CPQ: variants seen among roughly 807,000 people sequenced by gnomAD.
CPQ encodes carboxypeptidase Q, also known as Ser-Met dipeptidase.
In CPQ, 37 loss-of-function variants were observed where a neutral mutation model predicts 45.7. That is an observed-to-expected ratio of 0.81 (90% CI 0.62 to 1.07). CPQ has a LOEUF of 1.07. Ranked by LOEUF, CPQ falls within the 50% of genes least tolerant of loss-of-function variation. The pLI, the probability that CPQ is intolerant of heterozygous loss-of-function variation, is 0.00. For missense variants in CPQ, 537 were observed against 572.9 expected, an observed-to-expected ratio of 0.94 and a Z score of 0.64; for synonymous variants, 186 against 205.8, an observed-to-expected ratio of 0.90 and a Z score of 0.82.
At chr8:96,823,356 A>C (rs1412510755) in intron 2 of CPQ, among the ~76,000 whole-genome samples, 2 of 152,008 alleles carry the variant, frequency 1.3e-5, no homozygotes, top group African/African-American at 4.8e-5. Context: ...TCTTGTAGGC[A>C]AATAACTTTC....
intron 1 of CPQ, among the ~76,000 whole-genome samples, chr8:96,693,764 C>T (rs1031326950): frequency 1.3e-5 from 2 of 152,050 alleles, no homozygotes; most frequent in African/African-American, 2.4e-5. Flanking sequence ...AATAAGAAAT[C>T]ATCTGAAGGC....
intron 2 of CPQ, among the ~76,000 whole-genome samples, chr8:96,814,813 G>A (rs537178468): frequency 6.6e-6 from 1 of 152,220 alleles, no homozygotes; most frequent in South Asian, 2.1e-4. Flanking sequence ...CCATACAACA[G>A]AATAGTCTTT....
intron 2 of CPQ, among the ~76,000 whole-genome samples, chr8:96,830,817 A>G (rs1157104007): frequency 6.6e-6 from 1 of 152,134 alleles, no homozygotes. Context: ...TGACTTTTAT[A>G]TACCTATTTG....
At chr8:96,798,813 T>C (rs1384455758) in intron 2 of CPQ, among the ~76,000 whole-genome samples, 1 of 152,122 alleles carries the variant, frequency 6.6e-6, no homozygotes, top group East Asian at 1.9e-4. Context: ...TCAGATTTTA[T>C]TGTAGTTGAG....
intron 4 of CPQ, among the ~76,000 whole-genome samples, chr8:96,927,816 T>C (rs1812912731): frequency 6.6e-6 from 1 of 152,212 alleles, no homozygotes; most frequent in Non-Finnish European, 1.5e-5. Flanking sequence ...CCACCTTTTT[T>C]TGCCTGCTTA....
intron 7 of CPQ, among the ~76,000 whole-genome samples, chr8:97,124,685 C>G (rs1332312522): frequency 6.6e-6 from 1 of 151,968 alleles, no homozygotes; most frequent in Admixed American, 6.6e-5. Context: ...AGCCATAGAT[C>G]AAAGAAGAAA....
intron 1 of CPQ, among the ~76,000 whole-genome samples, chr8:96,730,866 C>CATATATATATATATATATATATAT (rs35247469): frequency 9.3e-4 from 64 of 68,636 alleles, no homozygotes; most frequent in African/African-American, 2.0e-3. Flanking sequence ...ACCATACATA[C>CATATATATATATATATATATATAT]ATATATATAT....
intron 4 of CPQ, among the ~76,000 whole-genome samples, chr8:96,889,513 T>C (rs969528106): frequency 2.6e-5 from 4 of 152,276 alleles, no homozygotes; most frequent in East Asian, 3.9e-4. Context: ...ATAGGATATA[T>C]GTGTATATGA....
chr8:96,891,055 A>G (rs559653936), intron 4 of CPQ, among the ~76,000 whole-genome samples: 5 of 152,330 alleles, frequency 3.3e-5, no homozygotes, highest in East Asian at 1.9e-4. Flanking sequence ...CCACCATTCT[A>G]TCAATCCAGC....
chr8:96,879,185 A>G (rs1330528670), intron 3 of CPQ, among the ~76,000 whole-genome samples: 1 of 152,204 alleles, frequency 6.6e-6, no homozygotes, highest in East Asian at 1.9e-4. Flanking sequence ...CAAAAGTATA[A>G]TAGTTTTTTT....
At chr8:96,986,751 G>T (rs1586481312) in intron 5 of CPQ, among the ~76,000 whole-genome samples, 1 of 152,270 alleles carries the variant, frequency 6.6e-6, no homozygotes, top group African/African-American at 2.4e-5. Flanking sequence ...AATGGACTTT[G>T]CTAGGAGGAT....
intron 4 of CPQ, among the ~76,000 whole-genome samples, chr8:96,885,121 T>C (rs2130885069): frequency 6.6e-6 from 1 of 152,176 alleles, no homozygotes; most frequent in East Asian, 1.9e-4. Flanking sequence ...GACAGGGAAG[T>C]TCAAGAGCAT....
At chr8:96,908,964 C>T (rs906958812) in intron 4 of CPQ, among the ~76,000 whole-genome samples, 2 of 152,196 alleles carry the variant, frequency 1.3e-5, no homozygotes, top group Non-Finnish European at 2.9e-5. Flanking sequence ...TCTAGTGTCT[C>T]ACCAACTGTA....
At chr8:97,083,202 G>C (rs775935580) in intron 7 of CPQ, among the ~76,000 whole-genome samples, 2 of 152,176 alleles carry the variant, frequency 1.3e-5, no homozygotes, top group Non-Finnish European at 2.9e-5. Flanking sequence ...CTGTACAGTT[G>C]ACATTAAATA....
intron 2 of CPQ, among the ~76,000 whole-genome samples, chr8:96,811,174 G>A (rs1256589849): frequency 3.3e-5 from 5 of 152,048 alleles, no homozygotes; most frequent in African/African-American, 4.8e-5. Flanking sequence ...TCTAAGATCC[G>A]TTTTCCACAA....
rs1010799584 is a variant in CPQ, at chr8:96,925,924, G to A, written c.850-40011G>A. On this transcript the variant is annotated intron_variant, in intron 4 of 7. Coordinates refer to ENST00000220763, the MANE Select transcript of CPQ (RefSeq NM_016134.4). The stretch of plus-strand genomic sequence containing the variant: ...AGGATGGTCTCAATCTCCTGACCTC[G>A]TGATCTGCCCGCCTTGGCCTCCCAA... Among the ~76,000 whole-genome samples, 22 of 143,354 alleles carry A rather than the reference G, an allele frequency of 1.5e-4. No homozygotes were observed. The East Asian group carries it at 3.2e-3, about 21-fold the overall frequency. The allele number at this position is 143,354 out of a possible 152,430, so 94.0% of individuals were successfully genotyped here. A position where few individuals can be genotyped will look rare whatever the true frequency, so the allele number is the denominator to read the frequency against.
At chr8:97,046,737 A>G (rs1810263508) in intron 6 of CPQ, among the ~76,000 whole-genome samples, 1 of 152,202 alleles carries the variant, frequency 6.6e-6, no homozygotes, top group African/African-American at 2.4e-5. Context: ...GGCTGGAAGA[A>G]CGTACAGCAT....
At chr8:96,762,587 T>C (rs548745468) in intron 1 of CPQ, among the ~76,000 whole-genome samples, 2 of 152,298 alleles carry the variant, frequency 1.3e-5, no homozygotes, top group African/African-American at 4.8e-5. Context: ...GGGACAGTGA[T>C]GGAGGGACTA....
chr8:96,832,059 A>G (rs969399921), intron 2 of CPQ, among the ~76,000 whole-genome samples: 1 of 152,014 alleles, frequency 6.6e-6, no homozygotes, highest in Non-Finnish European at 1.5e-5. Flanking sequence ...TGACTCCAAC[A>G]TTGTTTTTTG....
Sources: gnomAD v4.1 joint callset for allele counts (sites outside exome capture counted in the v4.1 genomes callset) on GRCh38, gnomAD v4.1.1 for gene constraint, MANE v1.5 for transcripts, NCBI Gene and HGNC (gene_info 2026-07-23, HGNC 2026-07-21) for gene names.